The following ASIC2 variants were observed in gnomAD, a reference collection of about 807,000 sequenced individuals.
The protein encoded by ASIC2 is acid sensing ion channel subunit 2.
Under a neutral mutation model 57.3 loss-of-function variants are expected in ASIC2, and 25 were observed. That is an observed-to-expected ratio of 0.44 (90% CI 0.32 to 0.61). The LOEUF (loss-of-function observed/expected upper bound fraction) is 0.61. Among genes scored for constraint, ASIC2 ranks in the 20% least tolerant of loss-of-function variants. ASIC2 has a pLI of 0.06. For missense variants in ASIC2, 641 were observed against 738.1 expected (o/e 0.87, Z 1.52); for synonymous variants, 319 against 307.5 (o/e 1.04, Z -0.39).
At chr17:33,770,328 C>A (rs2701497) in intron 1 of ASIC2, among the ~76,000 whole-genome samples, 2 of 152,032 alleles carry the variant, frequency 1.3e-5, no homozygotes, top group Admixed American at 1.3e-4. Context: ...GTGTCTTCCT[C>A]TGTAAAGCGA....
intron 1 of ASIC2, among the ~76,000 whole-genome samples, chr17:33,876,952 TG>T (rs1914561906): frequency 2.0e-5 from 3 of 152,244 alleles, no homozygotes; most frequent in Admixed American, 1.3e-4. Flanking sequence ...CAGAGCTCTC[TG>T]TTATTTCTAA....
chr17:33,296,749 A>G (rs1299746011), upstream of ASIC2, among the ~76,000 whole-genome samples: 1 of 152,194 alleles, frequency 6.6e-6, no homozygotes, highest in Admixed American at 6.5e-5. Flanking sequence ...ATGTAAGTGA[A>G]CACGGTTTTC....
At chr17:33,202,734 A>C (rs1331871723) in intron 1 of ASIC2, among the ~76,000 whole-genome samples, 1 of 152,234 alleles carries the variant, frequency 6.6e-6, no homozygotes, top group Non-Finnish European at 1.5e-5. Flanking sequence ...TTTCCTAAAT[A>C]ATGCGGGTGT....
chr17:33,629,788 C>T (rs564321519), intron 1 of ASIC2, among the ~76,000 whole-genome samples: 1 of 152,294 alleles, frequency 6.6e-6, no homozygotes, highest in South Asian at 2.1e-4. Flanking sequence ...CCCAGTTCTG[C>T]CAGAAGCTCT....
At chr17:33,921,226 G>A (rs546687479) in intron 1 of ASIC2, among the ~76,000 whole-genome samples, 1 of 152,180 alleles carries the variant, frequency 6.6e-6, no homozygotes, top group South Asian at 2.1e-4. Context: ...GTATGACTTG[G>A]GGCATGTTTC....
chr17:33,065,261 C>T lies in ASIC2; in HGVS notation c.987+23602G>A, dbSNP rs376387365. On this transcript the variant is annotated intron_variant, in intron 3 of 9. Coordinates refer to ENST00000225823, the MANE Select transcript of ASIC2 (RefSeq NM_183377.2). The stretch of plus-strand genomic sequence containing the variant: ...GCACAGTCATAGCTAACTGTGGCCT[C>T]GAACTCCTGGGCACAAGTGATCATC... Among the ~76,000 whole-genome samples, 21 of 152,084 alleles carry T rather than the reference C, an allele frequency of 1.4e-4. No homozygotes were observed. In the East Asian group the frequency reaches 3.1e-3, roughly 22 times the overall value.
At chr17:34,069,195 T>TCCCTC (rs935900669) in intron 1 of ASIC2, 1 of 41,120 alleles carries the variant, frequency 2.4e-5, no homozygotes, top group East Asian at 7.4e-4. Context: ...TCCCTTCCCT[T>TCCCTC]CCCTCCCTCC....
intron 1 of ASIC2, among the ~76,000 whole-genome samples, chr17:33,920,664 T>C (rs2141964748): frequency 6.6e-6 from 1 of 152,342 alleles, no homozygotes; most frequent in Non-Finnish European, 1.5e-5. Flanking sequence ...CGTCATGCAA[T>C]ATGCTCATCT....
chr17:33,558,806 T>G (rs1351569453), intron 1 of ASIC2, among the ~76,000 whole-genome samples: 1 of 152,190 alleles, frequency 6.6e-6, no homozygotes, highest in African/African-American at 2.4e-5. Flanking sequence ...TGTTGTTGTT[T>G]TTTTTTTAGA....
intron 3 of ASIC2, among the ~76,000 whole-genome samples, chr17:33,061,497 T>C (rs1206153550): frequency 6.6e-6 from 1 of 152,230 alleles, no homozygotes; most frequent in Non-Finnish European, 1.5e-5. Context: ...CAGCCTTGCA[T>C]CCCAGGGATG....
At chr17:33,096,048 T>C (rs1002411432) in intron 2 of ASIC2, among the ~76,000 whole-genome samples, 2 of 152,182 alleles carry the variant, frequency 1.3e-5, no homozygotes, top group African/African-American at 4.8e-5. Context: ...TAGGAGACTA[T>C]AAAGTGTGTG....
chr17:33,599,894 C>T (rs575418465), intron 1 of ASIC2, among the ~76,000 whole-genome samples: 2 of 152,330 alleles, frequency 1.3e-5, no homozygotes, highest in East Asian at 1.9e-4. Context: ...TCTCCAGTTT[C>T]TTTCTCCAGT....
At chr17:33,040,260 AATGACCT>A (rs1379058547) in intron 3 of ASIC2, among the ~76,000 whole-genome samples, 2 of 152,220 alleles carry the variant, frequency 1.3e-5, no homozygotes, top group African/African-American at 4.8e-5. Flanking sequence ...GACACACTCC[AATGACCT>A]ATGGTTCCAA....
At chr17:33,956,223 A>G (rs1597948351) in intron 1 of ASIC2, among the ~76,000 whole-genome samples, 1 of 152,234 alleles carries the variant, frequency 6.6e-6, no homozygotes, top group African/African-American at 2.4e-5. Context: ...GAGCGCTGGG[A>G]AAGCGCTCTT....
At chr17:33,386,166 G>A (rs1270417416) in intron 1 of ASIC2, among the ~76,000 whole-genome samples, 1 of 152,042 alleles carries the variant, frequency 6.6e-6, no homozygotes, top group Non-Finnish European at 1.5e-5. Context: ...TTCTCTCTAT[G>A]TGCTCTCTCC....
intron 1 of ASIC2, among the ~76,000 whole-genome samples, chr17:33,845,283 T>C (rs944957223): frequency 6.6e-6 from 1 of 152,214 alleles, no homozygotes; most frequent in African/African-American, 2.4e-5. Context: ...TTCCATCTCA[T>C]GGAAACGTAC....
intron 1 of ASIC2, among the ~76,000 whole-genome samples, chr17:33,915,855 G>A (rs531697738): frequency 1.3e-4 from 20 of 152,288 alleles, no homozygotes; most frequent in South Asian, 2.1e-4. Context: ...TGGGATTGAG[G>A]GTTGTGGGGA....
In ASIC2 at chr17:34,111,963, T is replaced by C. The variant is rs144304048; in HGVS notation, c.555+44015A>G. On this transcript the variant is annotated intron_variant, in intron 1 of 9. Transcript: ENST00000359872. ...AATAGAATACAAAATTATTTCTATA[T>C]AATGATTATAACTATATTAAAATGC... Among the ~76,000 whole-genome samples the C allele has an allele frequency of 3.3e-5, 5 of 152,312 alleles. No individual in the cohort carries two copies. The East Asian group carries it at 9.6e-4, about 29-fold the overall frequency.
At chr17:33,440,072 A>G (rs1000951095) in intron 1 of ASIC2, among the ~76,000 whole-genome samples, 1 of 152,210 alleles carries the variant, frequency 6.6e-6, no homozygotes, top group Non-Finnish European at 1.5e-5. Flanking sequence ...TGATTTTTGC[A>G]TAGTGCAATC....
Sources: gnomAD v4.1 joint callset for allele counts (sites outside exome capture counted in the v4.1 genomes callset) on GRCh38, gnomAD v4.1.1 for gene constraint, MANE v1.5 for transcripts, NCBI Gene and HGNC (gene_info 2026-07-23, HGNC 2026-07-21) for gene names.